Variants in SAMD5 observed in about 807,000 individuals in gnomAD.
SAMD5 encodes the protein sterile alpha motif domain containing 5.
A neutral mutation model predicts 11.3 loss-of-function variants in SAMD5; 13 were observed. That is an observed-to-expected ratio of 1.15 (90% CI 0.75 to 1.83). SAMD5 has a LOEUF of 1.83. Ranked by LOEUF, SAMD5 falls within the 40% of genes most tolerant of loss-of-function variation. The pLI is 0.00. For missense variants in SAMD5, 255 were observed against 239.1 expected, an observed-to-expected ratio of 1.07 and a Z score of -0.44; for synonymous variants, 129 against 111.3, an observed-to-expected ratio of 1.16 and a Z score of -1.00.
At chr6:147,573,417 C>T (rs763691705), downstream of SAMD5, among the ~76,000 whole-genome samples, 12 of 152,142 alleles carry the variant, frequency 7.9e-5, no homozygotes, top group Non-Finnish European at 1.5e-4. Flanking sequence ...CATCAGATCT[C>T]GTGAGAACTA....
intron 1 of SAMD5, among the ~76,000 whole-genome samples, chr6:147,638,309 A>AACT (rs1790261733): frequency 6.6e-6 from 1 of 152,154 alleles, no homozygotes; most frequent in South Asian, 2.1e-4. Flanking sequence ...CATTTATCTA[A>AACT]ACTACTGAAA....
chr6:147,683,206 C>T (rs73011975), intron 1 of SAMD5, among the ~76,000 whole-genome samples: 17,485 of 152,192 alleles, frequency 0.11, 1,099 homozygotes, highest in Middle Eastern at 0.16. Context: ...ACAGAATTGA[C>T]TGTATGATGA....
In SAMD5 at chr6:147,567,940, C is replaced by T. The variant is rs1256937456; in HGVS notation, c.*3484C>T. On this transcript the variant is annotated 3_prime_UTR_variant, in exon 2 of 2. Coordinates refer to ENST00000367474, the MANE Select transcript of SAMD5 (RefSeq NM_001030060.3). Reference sequence around the variant, plus strand: ...CGTCTCAAAACAAAACAAAACAAAACAAAACAGCAAATTCATAAAGGCCAG... The same window carrying T: ...CGTCTCAAAACAAAACAAAACAAAATAAAACAGCAAATTCATAAAGGCCAG... 3.0e-6 allele frequency: 3 copies of T among 985,752 alleles called. No homozygotes were observed. Among genetic ancestry groups the T allele is most frequent in the African/African-American group, 3.5e-5 (2 of 57,222 alleles). 61.1% of individuals were successfully genotyped at this position (985,752 alleles called of 1,614,324 possible).
the SAMD5 span, among the ~76,000 whole-genome samples, chr6:147,892,927 T>C: frequency 1.3e-5 from 2 of 152,206 alleles, no homozygotes; most frequent in African/African-American, 4.8e-5. Flanking sequence ...AAGTATTCAG[T>C]ATGGGCCAGG....
chr6:147,760,922 T>A, the SAMD5 span, among the ~76,000 whole-genome samples: 1 of 152,186 alleles, frequency 6.6e-6, no homozygotes, highest in African/African-American at 2.4e-5. Context: ...AAGAGACAAT[T>A]TGACAAATAA....
intron 1 of SAMD5, chr6:147,737,265 A>T (rs1791817928): frequency 9.0e-7 from 1 of 1,110,320 alleles, no homozygotes; most frequent in Admixed American, 3.0e-5. Flanking sequence ...TTTCACTATG[A>T]TTTCACTGGG....
At chr6:147,851,187 G>A in the SAMD5 span, among the ~76,000 whole-genome samples, 6 of 151,762 alleles carry the variant, frequency 4.0e-5, no homozygotes, top group South Asian at 2.1e-4. Context: ...CAAGTGATCC[G>A]CCTGCCTCAG....
intron 1 of SAMD5, among the ~76,000 whole-genome samples, chr6:147,654,080 T>C (rs1790531595): frequency 6.6e-6 from 1 of 152,214 alleles, no homozygotes; most frequent in African/African-American, 2.4e-5. Context: ...CTTTATTTTG[T>C]TAGCATTTAC....
At chr6:147,844,470 C>G in the SAMD5 span, among the ~76,000 whole-genome samples, 1 of 152,078 alleles carries the variant, frequency 6.6e-6, no homozygotes, top group Non-Finnish European at 1.5e-5. Context: ...ACCTTATGAT[C>G]CAGCAATTCC....
At chr6:147,518,835 C>T (rs1788210816) in intron 1 of SAMD5, among the ~76,000 whole-genome samples, 1 of 152,184 alleles carries the variant, frequency 6.6e-6, no homozygotes, top group Non-Finnish European at 1.5e-5. Context: ...TGTTTCAGAT[C>T]AGCCACTGAT....
the SAMD5 span, among the ~76,000 whole-genome samples, chr6:147,744,228 G>A: frequency 6.6e-6 from 1 of 152,114 alleles, no homozygotes; most frequent in Admixed American, 6.5e-5. Context: ...TAACCTCTCT[G>A]AGTCTTAGAC....
At chr6:147,562,633 T>G (rs569892583) in intron 1 of SAMD5, among the ~76,000 whole-genome samples, 4 of 152,102 alleles carry the variant, frequency 2.6e-5, no homozygotes, top group African/African-American at 7.2e-5. Flanking sequence ...CCATCCTGGC[T>G]AACACGGTGA....
At chr6:147,536,064 A>C (rs1386902008) in intron 1 of SAMD5, among the ~76,000 whole-genome samples, 1 of 151,938 alleles carries the variant, frequency 6.6e-6, no homozygotes, top group African/African-American at 2.4e-5. Context: ...ACTCACTGCA[A>C]GCTCCACCTC....
chr6:147,946,808 T>A, the SAMD5 span, among the ~76,000 whole-genome samples: 13 of 152,346 alleles, frequency 8.5e-5, no homozygotes, highest in Admixed American at 2.6e-4. Flanking sequence ...AATTAGCAAC[T>A]GAAATTAGAA....
chr6:147,862,712 C>A, the SAMD5 span, among the ~76,000 whole-genome samples: 2 of 152,172 alleles, frequency 1.3e-5, no homozygotes, highest in Admixed American at 6.5e-5. Context: ...TGTGATAGTA[C>A]ATTACTATTA....
chr6:147,857,960 CTGAT>C, the SAMD5 span, among the ~76,000 whole-genome samples: 20,786 of 152,114 alleles, frequency 0.14, 1,554 homozygotes, highest in African/African-American at 0.17. Flanking sequence ...TGTCCCCAGT[CTGAT>C]TGTTGCCTCA....
intron 1 of SAMD5, among the ~76,000 whole-genome samples, chr6:147,617,664 C>A (rs1191401002): frequency 6.6e-6 from 1 of 152,186 alleles, no homozygotes; most frequent in African/African-American, 2.4e-5. Context: ...GTCTCTTTCT[C>A]CACTGTGTCA....
At chr6:147,948,899 T>C in the SAMD5 span, among the ~76,000 whole-genome samples, 62 of 152,314 alleles carry the variant, frequency 4.1e-4, 3 homozygotes, top group South Asian at 0.012. Flanking sequence ...AAATAACCCA[T>C]ATGGGATTTT....
At chr6:147,812,015 G>C in the SAMD5 span, among the ~76,000 whole-genome samples, 96 of 152,224 alleles carry the variant, frequency 6.3e-4, 3 homozygotes, top group South Asian at 0.018. Flanking sequence ...TCAACGAGCA[G>C]CCCTGCCTAA....
Sources: gnomAD v4.1 joint callset for allele counts (sites outside exome capture counted in the v4.1 genomes callset) on GRCh38, gnomAD v4.1.1 for gene constraint, MANE v1.5 for transcripts, NCBI Gene and HGNC (gene_info 2026-07-23, HGNC 2026-07-21) for gene names.